LRMDA: variants seen among roughly 807,000 people sequenced by gnomAD.
The protein encoded by LRMDA is leucine rich melanocyte differentiation associated.
A neutral mutation model predicts 29.8 loss-of-function variants in LRMDA; 18 were observed. The ratio of observed to expected loss-of-function variants is 0.60; its 90% confidence interval spans 0.42 to 0.90. The LOEUF (loss-of-function observed/expected upper bound fraction) is 0.90. Ranked by LOEUF, LRMDA falls within the 40% of genes least tolerant of loss-of-function variation. The pLI, the probability that LRMDA is intolerant of heterozygous loss-of-function variation, is 0.00. For synonymous variants in LRMDA, 125 were observed against 109.4 expected, an observed-to-expected ratio of 1.14 and a Z score of -0.89; for missense variants, 273 against 273.9, an observed-to-expected ratio of 1.00 and a Z score of 0.02.
At chr10:76,010,399 G>A (rs998472370) in intron 2 of LRMDA, among the ~76,000 whole-genome samples, 2 of 148,070 alleles carry the variant, frequency 1.4e-5, no homozygotes, top group East Asian at 2.0e-4. Context: ...TGCAACCTCC[G>A]CCTCCCGAGT....
chr10:75,747,382 ACACT>A (rs1842902305), intron 2 of LRMDA, among the ~76,000 whole-genome samples: 1 of 152,226 alleles, frequency 6.6e-6, no homozygotes, highest in African/African-American at 2.4e-5. Flanking sequence ...TGCATTGGAA[ACACT>A]CAGGAAAGAA....
At chr10:76,258,319 A>G (rs1054191845) in intron 5 of LRMDA, among the ~76,000 whole-genome samples, 1 of 151,718 alleles carries the variant, frequency 6.6e-6, no homozygotes, top group African/African-American at 2.4e-5. Flanking sequence ...AATTAAATGT[A>G]TTTTTTTTAC....
At chr10:76,197,003 G>T (rs976085810) in intron 5 of LRMDA, among the ~76,000 whole-genome samples, 1 of 152,006 alleles carries the variant, frequency 6.6e-6, no homozygotes, top group Non-Finnish European at 1.5e-5. Context: ...GTAACATCAC[G>T]GGGTCTACCT....
chr10:76,144,065 A>G (rs1057326082), intron 5 of LRMDA, among the ~76,000 whole-genome samples: 7 of 152,206 alleles, frequency 4.6e-5, no homozygotes, highest in Non-Finnish European at 8.8e-5. Context: ...CTGTTTTGGT[A>G]CCAGTACCAT....
intron 2 of LRMDA, among the ~76,000 whole-genome samples, chr10:75,885,629 C>T (rs1845375174): frequency 6.6e-6 from 1 of 152,208 alleles, no homozygotes; most frequent in Non-Finnish European, 1.5e-5. Flanking sequence ...GTTCTCTAGG[C>T]TGCAAGCTCC....
At chr10:75,615,403 T>C (rs1841086269) in intron 2 of LRMDA, among the ~76,000 whole-genome samples, 1 of 152,154 alleles carries the variant, frequency 6.6e-6, no homozygotes, top group African/African-American at 2.4e-5. Flanking sequence ...AATGTGAAAA[T>C]CCGAAATCCA....
At chr10:76,525,256 T>C (rs1316221872) in intron 6 of LRMDA, among the ~76,000 whole-genome samples, 1 of 152,202 alleles carries the variant, frequency 6.6e-6, no homozygotes, top group Non-Finnish European at 1.5e-5. Context: ...ATCAGTATTA[T>C]GTGATACTAA....
chr10:76,137,906 G>A (rs1296666568), intron 5 of LRMDA, among the ~76,000 whole-genome samples: 2 of 152,054 alleles, frequency 1.3e-5, no homozygotes, highest in Non-Finnish European at 2.9e-5. Flanking sequence ...GGGGTTGGCT[G>A]GGGGGACTGT....
intron 2 of LRMDA, among the ~76,000 whole-genome samples, chr10:75,560,828 G>A (rs1028314222): frequency 6.6e-6 from 1 of 152,058 alleles, no homozygotes; most frequent in African/African-American, 2.4e-5. Flanking sequence ...TTATATGCTG[G>A]ATTACATTTA....
chr10:75,828,624 C>T (rs1844285818), intron 2 of LRMDA, among the ~76,000 whole-genome samples: 1 of 152,172 alleles, frequency 6.6e-6, no homozygotes, highest in Non-Finnish European at 1.5e-5. Context: ...TATTCCCCAC[C>T]AAGAAGTTTT....
chr10:76,554,541 C>T (rs1031512804), intron 6 of LRMDA, among the ~76,000 whole-genome samples: 1 of 152,218 alleles, frequency 6.6e-6, no homozygotes, highest in Admixed American at 6.5e-5. Context: ...TGACACCTAG[C>T]CGCAGTCTCC....
chr10:76,502,927 T>G (rs1230349783), intron 6 of LRMDA, among the ~76,000 whole-genome samples: 1 of 151,960 alleles, frequency 6.6e-6, no homozygotes, highest in Non-Finnish European at 1.5e-5. Flanking sequence ...TCCAATACTA[T>G]TTTGAATAGG....
At chr10:75,956,167 A>T (rs12242349) in intron 2 of LRMDA, among the ~76,000 whole-genome samples, 23,117 of 152,122 alleles carry the variant, frequency 0.15, 4,230 homozygotes, top group African/African-American at 0.44. Context: ...ACTTGCACAA[A>T]TGTTTGCAGG....
intron 2 of LRMDA, among the ~76,000 whole-genome samples, chr10:75,553,122 A>G (rs759944694): frequency 1.1e-4 from 16 of 152,072 alleles, no homozygotes; most frequent in Admixed American, 3.3e-4. Flanking sequence ...ATAATTTTTG[A>G]TTCAATGCCA....
chr10:76,324,072 G>T (rs968457443), intron 5 of LRMDA, among the ~76,000 whole-genome samples: 14 of 152,266 alleles, frequency 9.2e-5, no homozygotes, highest in Middle Eastern at 6.8e-3. Flanking sequence ...GGGAATTACT[G>T]GGTGAAGGCC....
chr10:75,466,887 A>G (rs773135536), intron 2 of LRMDA, among the ~76,000 whole-genome samples: 5 of 152,174 alleles, frequency 3.3e-5, no homozygotes, highest in Non-Finnish European at 5.9e-5. Context: ...AAAAGGAAAG[A>G]AAAAATTAAA....
At chr10:75,923,693 T>C (rs1178692575) in intron 2 of LRMDA, among the ~76,000 whole-genome samples, 1 of 152,218 alleles carries the variant, frequency 6.6e-6, no homozygotes, top group Non-Finnish European at 1.5e-5. Flanking sequence ...AGAGCTCTAC[T>C]TTCTCTGCTT....
chr10:76,400,782 G>A (rs904776929), intron 6 of LRMDA, among the ~76,000 whole-genome samples: 1 of 152,044 alleles, frequency 6.6e-6, no homozygotes, highest in Non-Finnish European at 1.5e-5. Context: ...AGCTGCCATC[G>A]TTCTATACCT....
intron 2 of LRMDA, among the ~76,000 whole-genome samples, chr10:75,635,688 T>C (rs1018341977): frequency 1.3e-5 from 2 of 152,226 alleles, no homozygotes; most frequent in South Asian, 4.1e-4. Context: ...TTGGTCGTTA[T>C]TGACATTTAA....
Sources: gnomAD v4.1 joint callset for allele counts (sites outside exome capture counted in the v4.1 genomes callset) on GRCh38, gnomAD v4.1.1 for gene constraint, MANE v1.5 for transcripts, NCBI Gene and HGNC (gene_info 2026-07-23, HGNC 2026-07-21) for gene names.